Variants in TXN observed in about 807,000 individuals in gnomAD.
The protein encoded by TXN is thioredoxin.
TXN carries 10 observed loss-of-function variants against 16.5 expected under a neutral mutation model. The ratio of observed to expected loss-of-function variants is 0.61; its 90% CI spans 0.37 to 1.03. The LOEUF is 1.03. Ranked by LOEUF, TXN falls within the 50% of genes least tolerant of loss-of-function variation. The pLI is 0.01. For missense variants in TXN, 71 were observed against 122.5 expected (o/e 0.58, Z 1.98); for synonymous variants, 35 against 39.4 (o/e 0.89, Z 0.42).
At chr9:110,244,729 C>T (rs1837625058) in intron 4 of TXN, 49 bp downstream of exon 4, 1 of 1,464,336 alleles carries the variant, frequency 6.8e-7, no homozygotes, top group Admixed American at 1.7e-5. Context: ...TTCACTTATA[C>T]TGGGTTTCCT....
In TXN at chr9:110,251,355, C is replaced by T. The variant is rs774019220; in HGVS notation, c.129+3G>A. On this transcript the variant is annotated splice_donor_region_variant and intron_variant, in intron 2 of 4. Coordinates refer to ENST00000374517, the MANE Select transcript of TXN (RefSeq NM_003329.4). ...TACAAAGCAGACATTGTTTAATACTCACATGAAAGAAAGGCTTGATCATTT... is the reference window on the plus strand; with the variant it reads ...TACAAAGCAGACATTGTTTAATACTTACATGAAAGAAAGGCTTGATCATTT... The T allele has an allele frequency of 2.5e-6, 4 of 1,596,822 alleles. No homozygotes were observed. Among genetic ancestry groups the T allele is most frequent in the South Asian group, 1.1e-5 (1 of 90,648 alleles).
At chr9:110,250,703 A>C (rs916154609) in intron 3 of TXN, 117 bp downstream of exon 3, 24 of 861,316 alleles carry the variant, frequency 2.8e-5, no homozygotes, top group Non-Finnish European at 3.7e-6. Flanking sequence ...AGAACTTTTT[A>C]GATAGGATTA....
At chr9:110,251,952 A>G (rs1373958981) in intron 1 of TXN, among the ~76,000 whole-genome samples, 2 of 152,146 alleles carry the variant, frequency 1.3e-5, no homozygotes, top group East Asian at 1.9e-4. Flanking sequence ...TTGGCTGGGC[A>G]TGGTGGCTCA....
In TXN at chr9:110,256,338, T is replaced by G; in HGVS notation, c.24+74A>C. On this transcript the variant is annotated intron_variant, in intron 1 of 4. Transcript: ENST00000374517. The surrounding 1 kb of genome is among the most constrained non-coding windows in gnomAD (Gnocchi z 4.2). ...ACCTCCCGCCACCGCCTTCCCCACC[T>G]CCCGCCACCGCCTTCCCCAGTTACA... The G allele has an allele frequency of 9.2e-7, 1 of 1,090,162 alleles. No homozygotes were observed. Among genetic ancestry groups the G allele is most frequent in the Non-Finnish European group, 1.3e-6 (1 of 778,372 alleles). The allele number at this position is 1,090,162 out of a possible 1,614,324, so 67.5% of individuals were successfully genotyped here.
Position 110,245,652 on chromosome 9 carries a change from ATATTTT to A in TXN, c.190-815_190-810del, listed in dbSNP as rs1317125766. The stretch of plus-strand genomic sequence containing the variant: ...TATATATATATATATATATATATAT[ATATTTT>A]TTTTTTTTTTTTTTTATAGGGACAA... On this transcript the variant is annotated intron_variant, in intron 3 of 4. Transcript: ENST00000374517. Among the ~76,000 whole-genome samples the A allele has an allele frequency of 2.0e-3, 47 of 23,652 alleles. 1 individual carries two copies. Among genetic ancestry groups the A allele is most frequent in the Admixed American group, 0.018 (26 of 1,418 alleles). 15.5% of individuals were successfully genotyped at this position (23,652 alleles called of 152,430 possible). A position where few individuals can be genotyped will look rare whatever the true frequency, so the allele number is the denominator to read the frequency against.
At chr9:110,248,963 T>C (rs1182979265) in intron 3 of TXN, among the ~76,000 whole-genome samples, 1 of 151,576 alleles carries the variant, frequency 6.6e-6, no homozygotes, top group Non-Finnish European at 1.5e-5. Context: ...GGTTTTAATT[T>C]TGTAAAAATA....
chr9:110,252,245 A>AAAAAAAAAAG (rs199937630), intron 1 of TXN, among the ~76,000 whole-genome samples: 4,421 of 135,462 alleles, frequency 0.033, 249 homozygotes, highest in East Asian at 0.052. Context: ...AAAAAAAAAA[A>AAAAAAAAAAG]GCTATGACTT....
rs182614938 is a variant in TXN, at chr9:110,244,013, C to T, written c.*144G>A. 2.2e-4 allele frequency: 80 copies of T among 364,286 alleles called. No individual in the cohort carries two copies. The East Asian group carries it at 2.6e-3, about 12-fold the overall frequency. The allele number at this position is 364,286 out of a possible 1,614,324, so 22.6% of individuals were successfully genotyped here. A position where few individuals can be genotyped will look rare whatever the true frequency, so the allele number is the denominator to read the frequency against. ...TTTTGAAAGCTATTCAGACATGAGA[C>T]GGTTTTAAAAAGTGTTAGCATTAAT... On this transcript the variant is annotated 3_prime_UTR_variant, in exon 5 of 5. Transcript: ENST00000374517.
At chr9:110,247,272 G>C (rs1837671458) in intron 3 of TXN, among the ~76,000 whole-genome samples, 1 of 149,176 alleles carries the variant, frequency 6.7e-6, no homozygotes, top group East Asian at 2.0e-4. Context: ...GCAGTGAGCA[G>C]AGATGGTACC....
rs1228829953 is a variant in TXN, at chr9:110,245,654, ATTTTTTTT to A, written c.190-819_190-812del. On this transcript the variant is annotated intron_variant, in intron 3 of 4. Coordinates refer to ENST00000374517, the MANE Select transcript of TXN (RefSeq NM_003329.4). ...TATATATATATATATATATATATAT[ATTTTTTTT>A]TTTTTTTTTTTATAGGGACAAGGTC... Among the ~76,000 whole-genome samples, 41 of 21,776 alleles carry A rather than the reference ATTTTTTTT, an allele frequency of 1.9e-3. No individual in the cohort carries two copies. The Admixed American group carries it at 0.02, about 11-fold the overall frequency. The allele number at this position is 21,776 out of a possible 152,430, so 14.3% of individuals were successfully genotyped here.
intron 3 of TXN, chr9:110,245,065 CCTTT>C (rs1663605545): frequency 8.4e-6 from 3 of 357,866 alleles, no homozygotes; most frequent in African/African-American, 6.1e-5. Flanking sequence ...ATATTTACTT[CCTTT>C]GACGGGCACA....
Position 110,256,416 on chromosome 9 carries a change from C to T in TXN, c.20G>A (p.Ser7Asn), listed in dbSNP as rs1206978345. ...GCCTTCCCCGGTAGCGCGTACCTTG[C>T]TCTCGATCTGCTTCACCATCTTGGC... MVKQIE[S>N]KTAFQEALDA... The change falls in exon 1 of 5, where the codon AGC becomes AAC. Residue 7 changes from serine to asparagine, a missense_variant. By Grantham distance (46) the Ser-to-Asn change is conservative. Transcript: ENST00000374517. The surrounding 1 kb of genome is among the most constrained non-coding windows in gnomAD (Gnocchi z 4.2). The T allele has an allele frequency of 1.9e-6, 3 of 1,607,464 alleles. No homozygotes were observed. The highest frequency in any genetic ancestry group is 2.2e-5 in the East Asian group (1 of 44,502).
intron 3 of TXN, among the ~76,000 whole-genome samples, chr9:110,246,519 G>A (rs778157340): frequency 7.2e-5 from 11 of 152,128 alleles, no homozygotes; most frequent in Non-Finnish European, 1.5e-4. Context: ...AAAGAGGACT[G>A]GGAAAGAAAT....
At chr9:110,249,663 A>C (rs1334980259) in intron 3 of TXN, among the ~76,000 whole-genome samples, 1 of 152,206 alleles carries the variant, frequency 6.6e-6, no homozygotes, top group East Asian at 1.9e-4. Context: ...TGCCCAAGGC[A>C]CAGAGTCAAA....
chr9:110,252,441 T>C (rs1837753433), intron 1 of TXN, among the ~76,000 whole-genome samples: 1 of 152,102 alleles, frequency 6.6e-6, no homozygotes, highest in Non-Finnish European at 1.5e-5. Context: ...TTTAAAACTA[T>C]ACCCTTGTCA....
chr9:110,248,407 A>G (rs966701064), intron 3 of TXN, among the ~76,000 whole-genome samples: 12 of 152,152 alleles, frequency 7.9e-5, no homozygotes, highest in Admixed American at 7.8e-4. Context: ...AGATACACAA[A>G]TACTTACTGT....
chr9:110,252,792 C>T, intron 1 of TXN, among the ~76,000 whole-genome samples: 1 of 152,098 alleles, frequency 6.6e-6, no homozygotes, highest in Non-Finnish European at 1.5e-5. Context: ...TTACAAGCCT[C>T]TGCCACCAGT....
chr9:110,245,781 C>T (rs1837651271), intron 3 of TXN, among the ~76,000 whole-genome samples: 1 of 150,150 alleles, frequency 6.7e-6, no homozygotes, highest in Non-Finnish European at 1.5e-5. Flanking sequence ...GTGTGAGCCA[C>T]CACACTCAGC....
intron 3 of TXN, 113 bp downstream of exon 3, chr9:110,250,707 A>G: frequency 1.1e-6 from 1 of 884,770 alleles, no homozygotes. Flanking sequence ...CTTTTTAGAT[A>G]GGATTACAGT....
Sources: gnomAD v4.1 joint callset for allele counts (sites outside exome capture counted in the v4.1 genomes callset) on GRCh38, gnomAD v4.1.1 for gene constraint, Gnocchi (gnomAD v3.1) non-coding constraint, MANE v1.5 for transcripts, NCBI Gene and HGNC (gene_info 2026-07-23, HGNC 2026-07-21) for gene names.